The following RAB11FIP3 variants were observed in gnomAD, a reference collection of about 807,000 sequenced individuals.
The protein encoded by RAB11FIP3 is RAB11 family interacting protein 3, also known as rab11 family-interacting protein 3.
RAB11FIP3 carries 17 observed loss-of-function variants against 77.8 expected under a neutral mutation model. That is an observed-to-expected ratio of 0.22 (90% CI 0.15 to 0.33). The LOEUF (loss-of-function observed/expected upper bound fraction) is 0.33. Among genes scored for constraint, RAB11FIP3 ranks in the 10% least tolerant of loss-of-function variants. RAB11FIP3 has a pLI of 1.00. For synonymous variants in RAB11FIP3, 437 were observed against 448.2 expected (o/e 0.98, Z 0.31); for missense variants, 1,005 against 1,011.2 (o/e 0.99, Z 0.08).
chr16:480,286 C>CAAAAAAAAGAAAAAAAGAAAAAAA (rs752259728), intron 3 of RAB11FIP3, among the ~76,000 whole-genome samples: 1 of 80,024 alleles, frequency 1.2e-5, no homozygotes, highest in African/African-American at 4.8e-5. Flanking sequence ...ACTCCTTCTC[C>CAAAAAAAAGAAAAAAAGAAAAAAA]AAAAAAAAAA....
chr16:426,120 G>C lies in RAB11FIP3; in HGVS notation c.114G>C (p.Glu38Asp), dbSNP rs542630196. 9.9e-7 allele frequency: 1 copy of C among 1,008,894 alleles called. No individual in the cohort carries two copies. The highest frequency in any genetic ancestry group is 1.2e-6 in the Non-Finnish European group (1 of 847,008). The allele number at this position is 1,008,894 out of a possible 1,614,324, so 62.5% of individuals were successfully genotyped here. A position where few individuals can be genotyped will look rare whatever the true frequency, so the allele number is the denominator to read the frequency against. The change falls in exon 1 of 14, where the codon GAG becomes GAC. Residue 38 changes from glutamate (E) to aspartate (D), a missense_variant. Transcript: ENST00000262305. This position sits in a 1 kb window ranked among gnomAD's most constrained non-coding sequence, Gnocchi z 5.0. Reference sequence around the variant, plus strand: ...CACAACTGGCTCCGGGCCCTGCGGAGCTACGCCTCGGAGCGCCCGTCGGCG... The same window carrying C: ...CACAACTGGCTCCGGGCCCTGCGGACCTACGCCTCGGAGCGCCCGTCGGCG... ...GAAQLAPGPAELRLGAPVGGP... is the reference protein window; with the variant it reads ...GAAQLAPGPADLRLGAPVGGP...
intron 1 of RAB11FIP3, among the ~76,000 whole-genome samples, chr16:460,618 T>C (rs1052661755): frequency 6.6e-6 from 1 of 152,218 alleles, no homozygotes; most frequent in Non-Finnish European, 1.5e-5. Context: ...CAAGGGTCTT[T>C]TTCCCTGAGT....
chr16:493,489 C>T (rs901978052), intron 5 of RAB11FIP3, among the ~76,000 whole-genome samples: 10 of 152,190 alleles, frequency 6.6e-5, no homozygotes, highest in South Asian at 2.1e-4. Context: ...ATGTCAGATA[C>T]GATGTCCAGT....
intron 5 of RAB11FIP3, among the ~76,000 whole-genome samples, chr16:489,568 C>T (rs1398677968): frequency 2.0e-5 from 3 of 152,130 alleles, no homozygotes; most frequent in Admixed American, 2.0e-4. Context: ...GGAGTCAGTC[C>T]CTCTAGGACG....
intron 2 of RAB11FIP3, among the ~76,000 whole-genome samples, chr16:470,588 C>G (rs750624297): frequency 4.6e-5 from 7 of 152,228 alleles, no homozygotes; most frequent in Non-Finnish European, 8.8e-5. Context: ...CTGTCACTCA[C>G]AGGCCCTGGA....
At chr16:434,842 T>C (rs1011771909) in intron 1 of RAB11FIP3, among the ~76,000 whole-genome samples, 1 of 152,026 alleles carries the variant, frequency 6.6e-6, no homozygotes, top group African/African-American at 2.4e-5. Context: ...GGTGGGCAGA[T>C]CACTTGATGT....
In RAB11FIP3 at chr16:471,300, G is replaced by A. The variant is rs771443004; in HGVS notation, c.814G>A (p.Asp272Asn). The A allele has an allele frequency of 6.2e-7, 1 of 1,613,678 alleles. No individual in the cohort carries two copies. Among genetic ancestry groups the A allele is most frequent in the South Asian group, 1.1e-5 (1 of 91,052 alleles). Residue 272 changes from aspartate to asparagine, a missense_variant, in exon 3 of 14, where the codon GAT becomes AAT. Transcript: ENST00000262305. This position sits in a 1 kb window ranked among gnomAD's most constrained non-coding sequence, Gnocchi z 4.4. ...GITAIRNGDPDGQCYGGVASA... is the reference protein window; with the variant it reads ...GITAIRNGDPNGQCYGGVASA... ...ACGAGGTCTTCTCCCTGCAGATCCT[G>A]ATGGCCAGTGCTACGGTGGTGTCGC...
chr16:502,886 A>G, intron 6 of RAB11FIP3, 118 bp from the exon 7 acceptor site: 2 of 807,434 alleles, frequency 2.5e-6, no homozygotes, highest in African/African-American at 1.7e-5. Flanking sequence ...TCAGGGGAGG[A>G]CCTGTCCCCT....
chr16:428,471 C>G (rs1199684938), intron 1 of RAB11FIP3, among the ~76,000 whole-genome samples: 1 of 152,124 alleles, frequency 6.6e-6, no homozygotes, highest in Non-Finnish European at 1.5e-5. Flanking sequence ...TAGGAGAGTA[C>G]CACATTTGCT....
Position 461,249 on chromosome 16 carries a change from A to G in RAB11FIP3, c.715-155A>G, listed in dbSNP as rs2055600362. Among the ~76,000 whole-genome samples the G allele has an allele frequency of 6.6e-6, 1 of 152,196 alleles. No homozygotes were observed. The highest frequency in any genetic ancestry group is 1.9e-4 in the East Asian group (1 of 5,190). On this transcript the variant is annotated intron_variant, in intron 1 of 13. Transcript: ENST00000262305. The surrounding 1 kb of genome is among the most constrained non-coding windows in gnomAD (Gnocchi z 4.5). The stretch of plus-strand genomic sequence containing the variant: ...AACCTGATGCTCCTGCTGATCTGAC[A>G]GGAGGGGAGCTCAGGCGGTAATGCT...
intron 1 of RAB11FIP3, among the ~76,000 whole-genome samples, chr16:437,570 CAAAAAAAA>C (rs34184576): frequency 1.7e-5 from 1 of 58,984 alleles, no homozygotes; most frequent in Non-Finnish European, 2.9e-5. Context: ...AACTCCATCT[CAAAAAAAA>C]AAAAAAAAAA....
intron 5 of RAB11FIP3, among the ~76,000 whole-genome samples, chr16:494,930 GTGGGAGGA>G (rs1238308507): frequency 2.5e-4 from 37 of 149,928 alleles, no homozygotes; most frequent in African/African-American, 5.2e-4. Flanking sequence ...GGCTGCTGAG[GTGGGAGGA>G]TCACATGAGC....
intron 1 of RAB11FIP3, among the ~76,000 whole-genome samples, chr16:429,646 C>A (rs1203593396): frequency 6.6e-6 from 1 of 151,948 alleles, no homozygotes; most frequent in African/African-American, 2.4e-5. Flanking sequence ...ATTACCGGTG[C>A]CCGTCACCAC....
At position 506,854 on chromosome 16, in the gene RAB11FIP3, G is replaced by A. The variant is rs1478961856; in HGVS notation, c.1499+1227G>A. On this transcript the variant is annotated intron_variant, in intron 8 of 13. Coordinates refer to ENST00000262305, the MANE Select transcript of RAB11FIP3 (RefSeq NM_014700.4). This position sits in a 1 kb window ranked among gnomAD's most constrained non-coding sequence, Gnocchi z 4.5. ...CTGCTGCAGAGTGGAGAGGGGCCAG[G>A]CATGCTGGTGAAGGGGCTGGACTCC... Among the ~76,000 whole-genome samples, 1 of 152,236 alleles carries A rather than the reference G, an allele frequency of 6.6e-6. No individual in the cohort carries two copies. Among genetic ancestry groups the A allele is most frequent in the East Asian group, 1.9e-4 (1 of 5,198 alleles).
At chr16:462,802 C>T (rs2055635969) in intron 2 of RAB11FIP3, among the ~76,000 whole-genome samples, 1 of 151,056 alleles carries the variant, frequency 6.6e-6, no homozygotes, top group African/African-American at 2.4e-5. Flanking sequence ...ATCCCTTCCC[C>T]AGCACCGTCC....
In RAB11FIP3 at chr16:425,711, G is replaced by A; in HGVS notation, c.-296G>A. 3.8e-6 allele frequency: 1 copy of A among 263,554 alleles called. No individual in the cohort carries two copies. Among genetic ancestry groups the A allele is most frequent in the Non-Finnish European group, 7.1e-6 (1 of 140,408 alleles). 16.3% of individuals were successfully genotyped at this position (263,554 alleles called of 1,614,324 possible). On this transcript the variant is annotated 5_prime_UTR_variant, in exon 1 of 14. Coordinates refer to ENST00000262305, the MANE Select transcript of RAB11FIP3 (RefSeq NM_014700.4). The stretch of plus-strand genomic sequence containing the variant: ...GCGGCCTCCGGCCTCCTCGGCCCCC[G>A]TCCCCCGGCCTCCTCGGCCCCCGTC...
chr16:479,766 C>A (rs1003935362), intron 3 of RAB11FIP3, among the ~76,000 whole-genome samples: 1 of 151,752 alleles, frequency 6.6e-6, no homozygotes, highest in African/African-American at 2.4e-5. Context: ...TACAAAATTT[C>A]AAAAAATTAG....
chr16:496,321 T>C (rs74847787), intron 5 of RAB11FIP3, among the ~76,000 whole-genome samples: 8,830 of 152,310 alleles, frequency 0.058, 397 homozygotes, highest in African/African-American at 0.13. Context: ...TAATTGGCTA[T>C]ATTTACTGCC....
intron 1 of RAB11FIP3, among the ~76,000 whole-genome samples, chr16:457,281 C>T (rs897628536): frequency 3.9e-5 from 6 of 152,124 alleles, no homozygotes; most frequent in Non-Finnish European, 7.4e-5. Context: ...CATGTTTCTA[C>T]ATCCATAGTA....
Sources: allele counts gnomAD v4.1 joint callset (sites outside exome capture counted in the v4.1 genomes callset), GRCh38; gene constraint gnomAD v4.1.1; non-coding constraint Gnocchi (gnomAD v3.1); transcripts MANE v1.5; gene names NCBI Gene and HGNC (gene_info 2026-07-23, HGNC 2026-07-21).